DOCK6: variants seen among roughly 807,000 people sequenced by gnomAD.
DOCK6 encodes dedicator of cytokinesis protein 6.
In DOCK6, 167 loss-of-function variants were observed where a neutral mutation model predicts 230.3. That is an observed-to-expected ratio of 0.73 (90% CI 0.64 to 0.82). The LOEUF (loss-of-function observed/expected upper bound fraction) is 0.82. Among genes scored for constraint, DOCK6 ranks in the 40% least tolerant of loss-of-function variants. DOCK6 has a pLI of 0.00. For synonymous variants in DOCK6, 1,148 were observed against 1,185.0 expected (o/e 0.97, Z 0.64); for missense variants, 2,598 against 2,825.8 (o/e 0.92, Z 1.83).
chr19:11,254,051 G>C (rs2080163557), intron 1 of DOCK6: 1 of 261,424 alleles, frequency 3.8e-6, no homozygotes, highest in Non-Finnish European at 7.2e-6. Flanking sequence ...CCTCATCTGG[G>C]GGACCTCTGT....
intron 28 of DOCK6, 68 bp from the exon 29 acceptor site, chr19:11,217,459 A>G: frequency 1.3e-6 from 2 of 1,554,418 alleles, no homozygotes; most frequent in Non-Finnish European, 1.7e-6. Context: ...CTCAAATTTC[A>G]GAAGTCTTCC....
chr19:11,202,506 G>A lies in DOCK6; in HGVS notation c.5362-23C>T. 2.5e-6 allele frequency: 4 copies of A among 1,611,702 alleles called. No homozygotes were observed. The highest frequency in any genetic ancestry group is 3.4e-6 in the Non-Finnish European group (4 of 1,178,836). On this transcript the variant is annotated intron_variant, in intron 42 of 47. Coordinates refer to ENST00000294618, the MANE Select transcript of DOCK6 (RefSeq NM_020812.4). This position sits in a 1 kb window ranked among gnomAD's most constrained non-coding sequence, Gnocchi z 5.3. ...CTCCTGGAGACACAGGGCTGACTCG[G>A]GGCCACCCAGGGACAGCCCCTACTC...
Position 11,243,817 on chromosome 19 carries a change from TTC to T in DOCK6, c.1087_1088del (p.Glu363SerfsTer53). 1 of 1,613,238 alleles carries T rather than the reference TTC, an allele frequency of 6.2e-7. No homozygotes were observed. The highest frequency in any genetic ancestry group is 1.1e-5 in the South Asian group (1 of 90,818). Reference protein sequence around the residue: ...ECCEPYMVLKEVDTAKNKEKL... With the variant: ...ECCEPYMVLKXVDTAKNKEKL... ...ACACGCTTACCTTGGCTGTGTCCACTTCTTTCAACACCATGTAAGGCTCACAG... is the reference window on the plus strand; with the variant it reads ...ACACGCTTACCTTGGCTGTGTCCACTTTTCAACACCATGTAAGGCTCACAG... On this transcript the variant is annotated frameshift_variant, in exon 10 of 48. Transcript: ENST00000294618. LOFTEE classifies it high-confidence loss of function. The surrounding 1 kb of genome is among the most constrained non-coding windows in gnomAD (Gnocchi z 6.3).
intron 6 of DOCK6, 21 bp from the exon 7 acceptor site, chr19:11,248,172 G>T (rs1429047701): frequency 7.2e-6 from 10 of 1,393,262 alleles, no homozygotes; most frequent in South Asian, 1.2e-5. Context: ...TGGGGGGTGG[G>T]AGCTGGGCGG....
chr19:11,242,020 C>A, intron 14 of DOCK6, 25 bp downstream of exon 14: 4 of 1,556,648 alleles, frequency 2.6e-6, no homozygotes, highest in Non-Finnish European at 3.4e-6. Context: ...CATTCAAGTG[C>A]CCAGCTGGGC....
chr19:11,257,482 TAAAAAAAA>T (rs35933920), intron 1 of DOCK6, among the ~76,000 whole-genome samples: 15 of 78,626 alleles, frequency 1.9e-4, no homozygotes, highest in African/African-American at 5.4e-4. Context: ...CACTGTCTCT[TAAAAAAAA>T]AAAAAAAAAA....
In DOCK6 at chr19:11,236,889, G is replaced by A. The variant is rs566931181; in HGVS notation, c.2074-10C>T. On this transcript the variant is annotated splice_polypyrimidine_tract_variant and intron_variant, in intron 18 of 47. Transcript: ENST00000294618. This position sits in a 1 kb window ranked among gnomAD's most constrained non-coding sequence, Gnocchi z 5.2. ...TGCCCGGAAGCGCCACCTGTGGGAG[G>A]GAGGCACCAGGTGGGCACTGGTCAG... is the stretch of plus-strand genomic sequence containing the variant. The A allele has an allele frequency of 3.5e-5, 54 of 1,550,286 alleles. No individual in the cohort carries two copies. In the African/African-American group the frequency reaches 6.3e-4, roughly 18 times the overall value.
chr19:11,236,165 C>T lies in DOCK6; in HGVS notation c.2392+181G>A. On this transcript the variant is annotated intron_variant, in intron 20 of 47. Transcript: ENST00000294618. The surrounding 1 kb of genome is among the most constrained non-coding windows in gnomAD (Gnocchi z 5.2). ...AAAGTGCTGGGATGACAGGCGTGAA[C>T]CGCTGCACCCGGGCCAAAGGGTCAC... is the stretch of plus-strand genomic sequence containing the variant. The T allele has an allele frequency of 1.5e-6, 1 of 674,890 alleles. No homozygotes were observed. The highest frequency in any genetic ancestry group is 2.4e-6 in the Non-Finnish European group (1 of 408,568). 41.8% of individuals were successfully genotyped at this position (674,890 alleles called of 1,614,324 possible). A position where few individuals can be genotyped will look rare whatever the true frequency, so the allele number is the denominator to read the frequency against.
chr19:11,241,932 C>A, intron 14 of DOCK6, 113 bp downstream of exon 14: 1 of 1,377,894 alleles, frequency 7.3e-7, no homozygotes, highest in South Asian at 1.4e-5. Context: ...AAAGCAGAGT[C>A]GTGGCATCTC....
Position 11,202,122 on chromosome 19 carries a change from AGG to A in DOCK6, c.5453_5454del (p.Ala1818ValfsTer12). The A allele has an allele frequency of 6.2e-7, 1 of 1,613,882 alleles. No homozygotes were observed. Among genetic ancestry groups the A allele is most frequent in the African/African-American group, 1.3e-5 (1 of 75,050 alleles). On this transcript the variant is annotated frameshift_variant and splice_region_variant, in exon 44 of 48. Coordinates refer to ENST00000294618, the MANE Select transcript of DOCK6 (RefSeq NM_020812.4). LOFTEE classifies it high-confidence loss of function. This position sits in a 1 kb window ranked among gnomAD's most constrained non-coding sequence, Gnocchi z 5.3. ...VDKSKLDSQK[A>X]YIQITYVEPY... ...GGTTCCACATACGTGATCTGGATGT[AGG>A]CCTGGGCGCAGGGTCAGGTGTGAGG...
chr19:11,233,318 C>T lies in DOCK6; in HGVS notation c.2603G>A (p.Gly868Asp). The change falls in exon 22 of 48, where the codon GGT becomes GAT. Residue 868 changes from glycine to aspartate, a missense_variant. Coordinates refer to ENST00000294618, the MANE Select transcript of DOCK6 (RefSeq NM_020812.4). ...CGCCAGGTAGAGGCTTGCGGGGCGA[C>T]CAGAGCCACGGGCCAGTGTGGCAGC... ...VQAATLARGSGRPASLYLARS... is the reference protein window; with the variant it reads ...VQAATLARGSDRPASLYLARS... 6.2e-7 allele frequency: 1 copy of T among 1,613,802 alleles called. No homozygotes were observed.
chr19:11,227,670 G>T (rs2079691299), intron 23 of DOCK6, among the ~76,000 whole-genome samples, 193 bp from the exon 24 acceptor site: 1 of 151,814 alleles, frequency 6.6e-6, no homozygotes, highest in African/African-American at 2.4e-5. Flanking sequence ...CTGAAGGTAG[G>T]TTTGAGCCCT....
At chr19:11,223,955 C>T (rs1169965223) in intron 24 of DOCK6, among the ~76,000 whole-genome samples, 1 of 152,000 alleles carries the variant, frequency 6.6e-6, no homozygotes. Flanking sequence ...CCTCTCAGCA[C>T]CATTTAATGT....
At position 11,216,970 on chromosome 19, in the gene DOCK6, G is replaced by T. The variant is rs370388319; in HGVS notation, c.3838C>A (p.Gln1280Lys). 309 of 1,613,390 alleles carry T rather than the reference G, an allele frequency of 1.9e-4. 1 individual carries two copies. Among genetic ancestry groups the T allele is most frequent in the Non-Finnish European group, 2.4e-4 (281 of 1,179,668 alleles). The stretch of plus-strand genomic sequence containing the variant: ...AGCAAATCCAACAGACGTCCCAGCT[G>T]GGGGAGTGTCAGGTCAGTGGCCCAG... ...QRWATDLTLP[Q>K]LGRLLDLLYL... is the part of the protein sequence containing the mutation. The change falls in exon 30 of 48, where the codon CAG (glutamine) becomes AAG (lysine). Residue 1280 changes from glutamine to lysine, a missense_variant. Transcript: ENST00000294618.
rs1282268646 is a variant in DOCK6 at position 11,208,930 on chromosome 19, A to G, written c.4925T>C (p.Val1642Ala). Residue 1642 changes from valine (V) to alanine (A), a missense_variant, in exon 38 of 48, where the codon GTG (valine) becomes GCG (alanine). Val to Ala is a moderately conservative substitution (Grantham distance 64). Transcript: ENST00000294618. ...ACTCACCTGGAAGGAAACGCAGCCC[A>G]CGGGCAGGTGGCGGTGGTCCTCGAG... ...ALLEDHRHLPVGCVSFQNISS... is the reference protein window; with the variant it reads ...ALLEDHRHLPAGCVSFQNISS... 2 of 1,597,182 alleles carry G rather than the reference A, an allele frequency of 1.3e-6. No homozygotes were observed. The highest frequency in any genetic ancestry group is 1.7e-6 in the Non-Finnish European group (2 of 1,166,786).
chr19:11,254,055 C>T (rs2080163646), intron 1 of DOCK6: 1 of 256,264 alleles, frequency 3.9e-6, no homozygotes, highest in Admixed American at 5.7e-5. Context: ...ATCTGGGGGA[C>T]CTCTGTCCAT....
At chr19:11,254,389 A>G (rs189907658) in intron 1 of DOCK6, among the ~76,000 whole-genome samples, 2 of 152,352 alleles carry the variant, frequency 1.3e-5, no homozygotes, top group Non-Finnish European at 1.5e-5. Context: ...GGATCTGAGC[A>G]GGCCTTCAAA....
intron 24 of DOCK6, 43 bp from the exon 25 acceptor site, chr19:11,223,149 GC>G: frequency 6.3e-7 from 1 of 1,578,662 alleles, no homozygotes; most frequent in Non-Finnish European, 8.7e-7. Flanking sequence ...CCAAACCTCA[GC>G]CCCGACAGGG....
At position 11,208,697 on chromosome 19, in the gene DOCK6, A is replaced by C; in HGVS notation, c.5077T>G (p.Tyr1693Asp). ...LVGLLEQAAG[Y>D]FTMGGLYEAV... is the part of the protein sequence containing the mutation. ...CCCCAAGGCCTCACCATGGTGAAGT[A>C]GCCGGCTGCCTGTTCCAGCAACCCT... is the stretch of plus-strand genomic sequence containing the variant. Residue 1693 changes from tyrosine (Y) to aspartate (D), a missense_variant, in exon 39 of 48, where the codon TAC (tyrosine) becomes GAC (aspartate). Transcript: ENST00000294618. 6.2e-7 allele frequency: 1 copy of C among 1,611,334 alleles called. No individual in the cohort carries two copies. Among genetic ancestry groups the C allele is most frequent in the Non-Finnish European group, 8.5e-7 (1 of 1,177,908 alleles).
Sources: gnomAD v4.1 joint callset for allele counts (sites outside exome capture counted in the v4.1 genomes callset) on GRCh38, gnomAD v4.1.1 for gene constraint, Gnocchi (gnomAD v3.1) non-coding constraint, MANE v1.5 for transcripts, NCBI Gene and HGNC (gene_info 2026-07-23, HGNC 2026-07-21) for gene names.